PUM1: variants seen among roughly 807,000 people sequenced by gnomAD.
PUM1 encodes pumilio homolog 1.
Under a neutral mutation model 131.8 loss-of-function variants are expected in PUM1, and 13 were observed. That is an observed-to-expected ratio of 0.10 (90% CI 0.06 to 0.16). The LOEUF (loss-of-function observed/expected upper bound fraction) is 0.16. Among genes scored for constraint, PUM1 ranks in the 10% least tolerant of loss-of-function variants. The pLI, the probability that PUM1 is intolerant of heterozygous loss-of-function variation, is 1.00. For missense variants in PUM1, 961 were observed against 1,512.4 expected (o/e 0.64, Z 6.05); for synonymous variants, 509 against 556.5 (o/e 0.91, Z 1.20).
intron 9 of PUM1, among the ~76,000 whole-genome samples, chr1:30,979,153 G>C (rs1641259608): frequency 6.6e-6 from 1 of 151,104 alleles, no homozygotes; most frequent in African/African-American, 2.4e-5. Context: ...AAAAAAGAGG[G>C]GAAAAAACTC....
At chr1:31,019,636 C>T (rs2124531694) in intron 3 of PUM1, among the ~76,000 whole-genome samples, 1 of 152,324 alleles carries the variant, frequency 6.6e-6, no homozygotes, top group African/African-American at 2.4e-5. Context: ...CCTGAACAGG[C>T]TCCCATACAC....
rs976646784 is a variant in PUM1, at chr1:31,048,811, T to C, written c.363+10393A>G. On this transcript the variant is annotated intron_variant, in intron 2 of 21. Transcript: ENST00000426105. ...TTCTATAACCCATTATTCTGGTGCA[T>C]ATTTCTAACTTTACTCCAATTTATT... 1.1e-4 allele frequency among the ~76,000 whole-genome samples: 17 copies of C among 152,238 alleles called. No homozygotes were observed. In the East Asian group the frequency reaches 2.9e-3, roughly 26 times the overall value.
At chr1:30,933,884 T>C (rs1420557918) in intron 21 of PUM1, among the ~76,000 whole-genome samples, 1 of 152,200 alleles carries the variant, frequency 6.6e-6, no homozygotes, top group Non-Finnish European at 1.5e-5. Flanking sequence ...ATGAACATCA[T>C]GAGCTGGTGT....
intron 18 of PUM1, 146 bp downstream of exon 18, chr1:30,945,200 C>T (rs2124398006): frequency 1.1e-6 from 1 of 911,254 alleles, no homozygotes; most frequent in Admixed American, 2.4e-5. Flanking sequence ...TGCCACTGCA[C>T]TCCAGCCTGG....
At chr1:30,952,955 G>A (rs572871060) in intron 15 of PUM1, among the ~76,000 whole-genome samples, 14 of 151,968 alleles carry the variant, frequency 9.2e-5, no homozygotes, top group African/African-American at 2.2e-4. Context: ...CAGCCTGGGC[G>A]ACAGAGCAAG....
At position 30,938,514 on chromosome 1, in the gene PUM1, A is replaced by C. The variant is rs772295131; in HGVS notation, c.3243-1679T>G. ...GTGATTTGCCTGCCTTGGCCTCCCA[A>C]AGTGTTGGGATTACAGGTATGAGCT... is the stretch of plus-strand genomic sequence containing the variant. On this transcript the variant is annotated intron_variant, in intron 20 of 21. Coordinates refer to ENST00000426105, the MANE Select transcript of PUM1 (RefSeq NM_001020658.2). Among the ~76,000 whole-genome samples, 21 of 152,058 alleles carry C rather than the reference A, an allele frequency of 1.4e-4. 1 individual carries two copies. The highest frequency in any genetic ancestry group is 2.9e-4 in the Non-Finnish European group (20 of 68,006).
chr1:30,960,036 T>G (rs931864772), intron 14 of PUM1, among the ~76,000 whole-genome samples: 3 of 152,128 alleles, frequency 2.0e-5, no homozygotes, highest in African/African-American at 7.2e-5. Context: ...AAAAACCAAC[T>G]GTGATTATGC....
chr1:30,981,011 A>G (rs1487829535), intron 8 of PUM1, among the ~76,000 whole-genome samples: 1 of 152,238 alleles, frequency 6.6e-6, no homozygotes, highest in African/African-American at 2.4e-5. Context: ...TGTCATCCAA[A>G]TCTTACCGAA....
At chr1:30,996,675 G>A (rs1026052691) in intron 5 of PUM1, among the ~76,000 whole-genome samples, 3 of 152,162 alleles carry the variant, frequency 2.0e-5, no homozygotes, top group Non-Finnish European at 4.4e-5. Context: ...CTTCAGAATA[G>A]AATCTTTAAA....
At chr1:31,033,617 T>C (rs1305147709) in intron 2 of PUM1, among the ~76,000 whole-genome samples, 1 of 152,046 alleles carries the variant, frequency 6.6e-6, no homozygotes, top group African/African-American at 2.4e-5. Flanking sequence ...CCATCCAGCA[T>C]GGCCTCCTAA....
intron 2 of PUM1, among the ~76,000 whole-genome samples, chr1:31,029,411 G>C (rs1643337354): frequency 6.6e-6 from 1 of 152,178 alleles, no homozygotes; most frequent in Admixed American, 6.5e-5. Context: ...AACCTAACCA[G>C]GGGGAGAAAA....
chr1:31,029,681 A>T (rs1284672707), intron 2 of PUM1, among the ~76,000 whole-genome samples: 2 of 152,178 alleles, frequency 1.3e-5, no homozygotes, highest in African/African-American at 4.8e-5. Flanking sequence ...TGGGCAAGGG[A>T]TTCAAGAGTA....
intron 10 of PUM1, among the ~76,000 whole-genome samples, chr1:30,969,619 C>T (rs979371031): frequency 6.6e-6 from 1 of 152,062 alleles, no homozygotes; most frequent in African/African-American, 2.4e-5. Context: ...CCAGTTATGC[C>T]ACTCTGATAA....
intron 14 of PUM1, among the ~76,000 whole-genome samples, chr1:30,959,855 C>T (rs571348452): frequency 1.3e-5 from 2 of 149,800 alleles, no homozygotes; most frequent in East Asian, 2.0e-4. Flanking sequence ...TGCAGTGAGC[C>T]GAGATTGCAC....
intron 14 of PUM1, among the ~76,000 whole-genome samples, 156 bp downstream of exon 14, chr1:30,964,518 C>T (rs895261536): frequency 1.3e-5 from 2 of 152,138 alleles, no homozygotes; most frequent in Non-Finnish European, 2.9e-5. Context: ...TCTATAGGTA[C>T]AGCCTGAATA....
chr1:31,064,763 CGGGGGG>C (rs35033561), intron 1 of PUM1, among the ~76,000 whole-genome samples: 3 of 2,406 alleles, frequency 1.2e-3, no homozygotes, highest in Non-Finnish European at 2.1e-3. Flanking sequence ...GTTTTTTCAG[CGGGGGG>C]GGGGGGGGGG....
intron 5 of PUM1, among the ~76,000 whole-genome samples, chr1:31,005,279 CA>C (rs1642359804): frequency 6.6e-6 from 1 of 152,000 alleles, no homozygotes; most frequent in Admixed American, 6.6e-5. Context: ...GATAATGAAT[CA>C]AAAAAATTTG....
chr1:31,049,554 C>T (rs1041826945), intron 2 of PUM1, among the ~76,000 whole-genome samples: 4 of 150,696 alleles, frequency 2.7e-5, no homozygotes, highest in Admixed American at 1.3e-4. Flanking sequence ...GTAGTGGACA[C>T]GTATAATCCC....
chr1:30,993,204 C>T (rs921994591), intron 6 of PUM1, among the ~76,000 whole-genome samples: 8 of 151,628 alleles, frequency 5.3e-5, no homozygotes, highest in East Asian at 1.9e-4. Context: ...TCTAAGAAAC[C>T]GAAATAAGCA....
Sources: allele counts gnomAD v4.1 joint callset (sites outside exome capture counted in the v4.1 genomes callset), GRCh38; gene constraint gnomAD v4.1.1; transcripts MANE v1.5; gene names NCBI Gene and HGNC (gene_info 2026-07-23, HGNC 2026-07-21).